The following SYNE3 variants were observed in gnomAD, a reference collection of about 807,000 sequenced individuals.
The protein encoded by SYNE3 is nesprin-3.
A neutral mutation model predicts 111.2 loss-of-function variants in SYNE3; 100 were observed. The observed-to-expected ratio is 0.90, with a 90% CI of 0.77 to 1.06. The LOEUF (loss-of-function observed/expected upper bound fraction) is 1.06. Among genes scored for constraint, SYNE3 ranks in the 50% least tolerant of loss-of-function variants. The probability of loss-of-function intolerance (pLI) is 0.00; values close to 1 mark genes in which losing one functional copy is unlikely to be tolerated. For missense variants in SYNE3, 1,160 were observed against 1,240.3 expected (o/e 0.94, Z 0.97); for synonymous variants, 547 against 533.9 (o/e 1.02, Z -0.34).
intron 1 of SYNE3, among the ~76,000 whole-genome samples, chr14:95,506,966 C>A (rs979520525): frequency 2.6e-5 from 4 of 152,238 alleles, no homozygotes; most frequent in African/African-American, 9.7e-5. Flanking sequence ...ACAGATGGCA[C>A]CAGTGACGCC....
At chr14:95,419,580 C>T (rs1884958377) in intron 17 of SYNE3, among the ~76,000 whole-genome samples, 1 of 151,974 alleles carries the variant, frequency 6.6e-6, no homozygotes, top group Non-Finnish European at 1.5e-5. Context: ...GGTTCACCCT[C>T]CAGGGCACCA....
In SYNE3 at chr14:95,443,217, TG is replaced by T; in HGVS notation, c.1848del (p.Asn617ThrfsTer50). The T allele has an allele frequency of 6.2e-7, 1 of 1,614,194 alleles. No homozygotes were observed. ...EAARPLVQEN[P>X]NHQHKMDQLS... is the part of the protein sequence containing the mutation. Reference sequence around the variant, plus strand: ...AGCTGGTCCATTTTGTGCTGGTGGTTGGGGTTCTCCTGGACCAGAGGCCTTG... The same window carrying T: ...AGCTGGTCCATTTTGTGCTGGTGGTTGGGTTCTCCTGGACCAGAGGCCTTG... On this transcript the variant is annotated frameshift_variant, in exon 11 of 18. Transcript: ENST00000682763. LOFTEE classifies it high-confidence loss of function.
intron 1 of SYNE3, among the ~76,000 whole-genome samples, chr14:95,486,284 C>A (rs1595248843): frequency 1.3e-5 from 2 of 152,232 alleles, no homozygotes; most frequent in East Asian, 3.9e-4. Flanking sequence ...ACCCCTGGTC[C>A]CTGCATCTGC....
chr14:95,455,035 G>C (rs1887324527), intron 6 of SYNE3, among the ~76,000 whole-genome samples: 1 of 152,104 alleles, frequency 6.6e-6, no homozygotes, highest in Admixed American at 6.5e-5. Flanking sequence ...CGCAGAGGAA[G>C]CCCACACCTT....
intron 2 of SYNE3, among the ~76,000 whole-genome samples, chr14:95,469,859 A>T (rs1430963662): frequency 6.6e-6 from 1 of 152,106 alleles, no homozygotes; most frequent in Non-Finnish European, 1.5e-5. Context: ...TCCTTTTTTT[A>T]CTCCATACAA....
At chr14:95,475,631 G>C (rs1212886506) in intron 2 of SYNE3, 47 bp downstream of exon 2, 7 of 1,364,588 alleles carry the variant, frequency 5.1e-6, no homozygotes, top group African/African-American at 1.5e-5. Context: ...GGCGGGGTGG[G>C]ATGGGGCCAA....
intron 17 of SYNE3, among the ~76,000 whole-genome samples, chr14:95,419,567 C>T (rs1045481927): frequency 2.6e-5 from 4 of 151,906 alleles, no homozygotes; most frequent in Non-Finnish European, 4.4e-5. Flanking sequence ...CCTAAAGAAC[C>T]AAGGTTCACC....
intron 1 of SYNE3, among the ~76,000 whole-genome samples, chr14:95,483,961 C>T (rs545684757): frequency 1.3e-5 from 2 of 152,228 alleles, no homozygotes; most frequent in Admixed American, 1.3e-4. Flanking sequence ...CATTTTAAGT[C>T]AGTCCCACTG....
At chr14:95,446,194 A>G in intron 8 of SYNE3, 103 bp from the exon 9 acceptor site, 2 of 1,374,852 alleles carry the variant, frequency 1.5e-6, no homozygotes, top group Non-Finnish European at 2.0e-6. Flanking sequence ...TAGGAAGCTC[A>G]CCTTTGTGCA....
intron 5 of SYNE3, among the ~76,000 whole-genome samples, chr14:95,456,754 T>C (rs1887465587): frequency 6.6e-6 from 1 of 152,074 alleles, no homozygotes; most frequent in African/African-American, 2.4e-5. Flanking sequence ...TGGGTTCTTA[T>C]ATATTCTGTG....
intron 2 of SYNE3, among the ~76,000 whole-genome samples, chr14:95,471,807 G>A (rs909548170): frequency 3.9e-5 from 6 of 152,192 alleles, no homozygotes; most frequent in Admixed American, 6.5e-5. Flanking sequence ...CCAATTTGTC[G>A]CAGCCAATGA....
chr14:95,507,130 G>A (rs1453963309), intron 1 of SYNE3, among the ~76,000 whole-genome samples: 2 of 152,178 alleles, frequency 1.3e-5, no homozygotes, highest in Non-Finnish European at 2.9e-5. Flanking sequence ...GTGCCTCTGG[G>A]CAAAATTTAA....
chr14:95,494,862 C>T (rs1436686988), intron 1 of SYNE3, among the ~76,000 whole-genome samples: 1 of 151,994 alleles, frequency 6.6e-6, no homozygotes, highest in Non-Finnish European at 1.5e-5. Flanking sequence ...CCTGTAATCC[C>T]AGCACTTTGG....
At position 95,443,225 on chromosome 14, in the gene SYNE3, T is replaced by C; in HGVS notation, c.1841A>G (p.Glu614Gly). The C allele has an allele frequency of 1.2e-6, 2 of 1,614,222 alleles. No individual in the cohort carries two copies. Among genetic ancestry groups the C allele is most frequent in the African/African-American group, 2.7e-5 (2 of 75,064 alleles). ...CATTTTGTGCTGGTGGTTGGGGTTC[T>C]CCTGGACCAGAGGCCTTGCAGCCTC... ...QMEAARPLVQENPNHQHKMDQ... is the reference protein window; with the variant it reads ...QMEAARPLVQGNPNHQHKMDQ... Residue 614 changes from glutamate (E) to glycine (G), a missense_variant, in exon 11 of 18, where the codon GAG becomes GGG. By Grantham distance (98) the Glu-to-Gly change is moderately conservative. Transcript: ENST00000682763.
In SYNE3 at chr14:95,445,912, C is replaced by A. The variant is rs1566965375; in HGVS notation, c.1629G>T (p.Leu543=). 28 of 1,613,604 alleles carry A rather than the reference C, an allele frequency of 1.7e-5. No individual in the cohort carries two copies. The highest frequency in any genetic ancestry group is 2.4e-5 in the Non-Finnish European group (28 of 1,179,916). ...HNSLLQRKSK[L]QSLLAQHKDF... ...GCAGATGCCTGGTGCTGCACACCTG[C>A]AGTTTGCTTTTCCTCTGCAGGAGGC... Residue 543 remains leucine (L), a synonymous_variant, in exon 9 of 18, where the codon CTG becomes CTT. Coordinates refer to ENST00000682763, the MANE Select transcript of SYNE3 (RefSeq NM_152592.6).
chr14:95,427,167 T>A (rs1213659174), intron 17 of SYNE3, among the ~76,000 whole-genome samples: 1 of 152,160 alleles, frequency 6.6e-6, no homozygotes, highest in Non-Finnish European at 1.5e-5. Flanking sequence ...CCTTCTGTTA[T>A]GCCCGGACAG....
rs1398673393 is a variant in SYNE3, at chr14:95,485,490, G to A, written c.-14-9655C>T. Among the ~76,000 whole-genome samples, 1 of 152,074 alleles carries A rather than the reference G, an allele frequency of 6.6e-6. No individual in the cohort carries two copies. Among genetic ancestry groups the A allele is most frequent in the Admixed American group, 6.5e-5 (1 of 15,278 alleles). ...AAACTGAGAGAGTCGGCTGCTCCCC[G>A]ACCAAAGACAGGACGCCCTAACCTA... On this transcript the variant is annotated intron_variant, in intron 1 of 17. Coordinates refer to ENST00000682763, the MANE Select transcript of SYNE3 (RefSeq NM_152592.6). This position sits in a 1 kb window ranked among gnomAD's most constrained non-coding sequence, Gnocchi z 4.3.
intron 1 of SYNE3, among the ~76,000 whole-genome samples, chr14:95,501,744 TGCAGC>T (rs1477004150): frequency 6.6e-6 from 1 of 152,184 alleles, no homozygotes; most frequent in Non-Finnish European, 1.5e-5. Flanking sequence ...CAACAAGATG[TGCAGC>T]GCAGCAAAGC....
intron 1 of SYNE3, among the ~76,000 whole-genome samples, chr14:95,513,480 G>C (rs1378892275): frequency 1.3e-5 from 2 of 151,916 alleles, no homozygotes; most frequent in Admixed American, 1.3e-4. Context: ...GCACCATGCC[G>C]GGCATTCTGC....
Sources: allele counts gnomAD v4.1 joint callset (sites outside exome capture counted in the v4.1 genomes callset), GRCh38; gene constraint gnomAD v4.1.1; non-coding constraint Gnocchi (gnomAD v3.1); transcripts MANE v1.5; gene names NCBI Gene and HGNC (gene_info 2026-07-23, HGNC 2026-07-21).